IGF2BP2: variants seen among roughly 807,000 people sequenced by gnomAD.
IGF2BP2 encodes the protein insulin-like growth factor 2 mRNA-binding protein 2.
Under a neutral mutation model 75.8 loss-of-function variants are expected in IGF2BP2, and 17 were observed. The ratio of observed to expected loss-of-function variants is 0.22; its 90% CI spans 0.15 to 0.34. The LOEUF is 0.34. Ranked by LOEUF, IGF2BP2 falls within the 10% of genes least tolerant of loss-of-function variation. The pLI is 1.00. For synonymous variants in IGF2BP2, 288 were observed against 295.6 expected (o/e 0.97, Z 0.26); for missense variants, 516 against 772.4 (o/e 0.67, Z 3.93).
chr3:185,748,607 C>T (rs181804041), intron 2 of IGF2BP2, among the ~76,000 whole-genome samples: 79 of 152,264 alleles, frequency 5.2e-4, no homozygotes, highest in Non-Finnish European at 8.7e-4. Flanking sequence ...CTGAATTCTT[C>T]GACTCTTGAT....
chr3:185,811,978 T>C (rs1464239705), intron 2 of IGF2BP2, among the ~76,000 whole-genome samples: 1 of 151,952 alleles, frequency 6.6e-6, no homozygotes, highest in Non-Finnish European at 1.5e-5. Flanking sequence ...TCCTTGGCCA[T>C]AGGGGAAGAA....
chr3:185,725,429 T>C (rs546914970), intron 2 of IGF2BP2, among the ~76,000 whole-genome samples: 2 of 152,176 alleles, frequency 1.3e-5, no homozygotes, highest in East Asian at 1.9e-4. Flanking sequence ...ACCTGAATAT[T>C]AGGGCAGGTG....
chr3:185,670,345 G>A (rs1326728634), intron 10 of IGF2BP2, among the ~76,000 whole-genome samples: 1 of 152,086 alleles, frequency 6.6e-6, no homozygotes, highest in Non-Finnish European at 1.5e-5. Context: ...AACTTTTTCT[G>A]CAAAGGAGCA....
intron 2 of IGF2BP2, among the ~76,000 whole-genome samples, chr3:185,776,086 A>C (rs1032948851): frequency 6.5e-4 from 99 of 152,068 alleles, no homozygotes; most frequent in East Asian, 7.7e-4. Flanking sequence ...TTTATAAAAA[A>C]CTTAACAAAT....
intron 10 of IGF2BP2, among the ~76,000 whole-genome samples, chr3:185,669,950 T>C (rs1009132013): frequency 2.0e-5 from 3 of 152,218 alleles, no homozygotes; most frequent in Non-Finnish European, 2.9e-5. Flanking sequence ...GCCTAGGTCC[T>C]GCACAGGTGG....
chr3:185,757,258 C>T (rs1270558249), intron 2 of IGF2BP2, among the ~76,000 whole-genome samples: 1 of 152,202 alleles, frequency 6.6e-6, no homozygotes, highest in East Asian at 1.9e-4. Flanking sequence ...AGCTACTAAG[C>T]ACTTGCCTCT....
At chr3:185,660,552 G>A (rs1025301670) in intron 10 of IGF2BP2, among the ~76,000 whole-genome samples, 2 of 152,164 alleles carry the variant, frequency 1.3e-5, no homozygotes, top group African/African-American at 4.8e-5. Flanking sequence ...CACTTAACAC[G>A]GCTGTAGTGA....
At chr3:185,754,146 T>C (rs1731304244) in intron 2 of IGF2BP2, among the ~76,000 whole-genome samples, 1 of 152,054 alleles carries the variant, frequency 6.6e-6, no homozygotes, top group South Asian at 2.1e-4. Context: ...GAGGCAAAGG[T>C]TGCAGTGAGC....
chr3:185,752,176 A>G (rs1019466743), intron 2 of IGF2BP2, among the ~76,000 whole-genome samples: 2 of 152,098 alleles, frequency 1.3e-5, no homozygotes, highest in African/African-American at 4.8e-5. Context: ...AACTCCTTGG[A>G]GTCTTTCCTC....
At chr3:185,666,290 AG>A in intron 10 of IGF2BP2, among the ~76,000 whole-genome samples, 1 of 152,362 alleles carries the variant, frequency 6.6e-6, no homozygotes, top group Admixed American at 6.5e-5. Context: ...AACCAGTAAA[AG>A]TTTAGTTAAT....
At chr3:185,733,146 C>A (rs1386481927) in intron 2 of IGF2BP2, among the ~76,000 whole-genome samples, 2 of 152,184 alleles carry the variant, frequency 1.3e-5, no homozygotes, top group Admixed American at 6.5e-5. Context: ...TCATCTGATT[C>A]CCTTGTCCCT....
At chr3:185,649,704 C>T (rs938748208) in intron 13 of IGF2BP2, among the ~76,000 whole-genome samples, 170 bp from the exon 14 acceptor site, 5 of 152,184 alleles carry the variant, frequency 3.3e-5, no homozygotes, top group African/African-American at 1.2e-4. Context: ...ACCTGGGGGG[C>T]GCTGCTCCCG....
At chr3:185,677,264 C>T (rs1476262007) in intron 7 of IGF2BP2, among the ~76,000 whole-genome samples, 1 of 151,718 alleles carries the variant, frequency 6.6e-6, no homozygotes, top group African/African-American at 2.4e-5. Context: ...AACATTTTGG[C>T]TTGTCTGGAA....
intron 2 of IGF2BP2, among the ~76,000 whole-genome samples, chr3:185,790,064 G>A (rs1736436922): frequency 6.6e-6 from 1 of 152,092 alleles, no homozygotes; most frequent in Non-Finnish European, 1.5e-5. Flanking sequence ...ATGGGCTGAG[G>A]AGGCTGACTG....
At chr3:185,784,267 T>TAGATAGATAGACAGACAGACAGACAGAC in intron 2 of IGF2BP2, among the ~76,000 whole-genome samples, 1 of 151,736 alleles carries the variant, frequency 6.6e-6, no homozygotes, top group African/African-American at 2.4e-5. Flanking sequence ...GATAGATAGA[T>TAGATAGATAGACAGACAGACAGACAGAC]AGACAGACAG....
At chr3:185,761,678 T>C (rs1164488862) in intron 2 of IGF2BP2, among the ~76,000 whole-genome samples, 2 of 152,242 alleles carry the variant, frequency 1.3e-5, no homozygotes, top group African/African-American at 2.4e-5. Context: ...AAACTCTTCC[T>C]GCACCCCGGA....
chr3:185,745,201 T>C (rs565163420), intron 2 of IGF2BP2, among the ~76,000 whole-genome samples: 4 of 152,274 alleles, frequency 2.6e-5, no homozygotes, highest in Middle Eastern at 3.4e-3. Context: ...CCCCTGACCC[T>C]TTCCCATGAA....
intron 2 of IGF2BP2, among the ~76,000 whole-genome samples, chr3:185,785,439 T>C (rs1735763355): frequency 1.3e-5 from 2 of 152,044 alleles, no homozygotes; most frequent in Non-Finnish European, 2.9e-5. Context: ...AATGGAATTC[T>C]GGTCTAATAG....
At chr3:185,654,350 CTACTT>C (rs879692186) in intron 12 of IGF2BP2, among the ~76,000 whole-genome samples, 5 of 152,212 alleles carry the variant, frequency 3.3e-5, no homozygotes, top group Non-Finnish European at 7.3e-5. Flanking sequence ...TCCCTTGACT[CTACTT>C]TGAGATCCAT....
Sources: allele counts gnomAD v4.1 joint callset (sites outside exome capture counted in the v4.1 genomes callset), GRCh38; gene constraint gnomAD v4.1.1; transcripts MANE v1.5; gene names NCBI Gene and HGNC (gene_info 2026-07-23, HGNC 2026-07-21).